The following MORC3 variants were observed in gnomAD, a reference collection of about 807,000 sequenced individuals.
The protein encoded by MORC3 is MORC family CW-type zinc finger 3, also known as MORC family CW-type zinc finger protein 3.
Under a neutral mutation model 109.1 loss-of-function variants are expected in MORC3, and 31 were observed. The observed-to-expected ratio is 0.28, with a 90% CI of 0.21 to 0.38. The LOEUF (loss-of-function observed/expected upper bound fraction) is 0.38. Ranked by LOEUF, MORC3 falls within the 10% of genes least tolerant of loss-of-function variation. The pLI, the probability that MORC3 is intolerant of heterozygous loss-of-function variation, is 1.00. For missense variants in MORC3, 867 were observed against 1,135.8 expected (o/e 0.76, Z 3.40); for synonymous variants, 395 against 380.7 (o/e 1.04, Z -0.44).
chr21:36,330,957 A>G (rs1172885166), intron 1 of MORC3, among the ~76,000 whole-genome samples: 1 of 152,240 alleles, frequency 6.6e-6, no homozygotes, highest in African/African-American at 2.4e-5. Context: ...GATGTCTGCC[A>G]GAGCAAGTCT....
chr21:36,336,431 A>G (rs901989980), intron 2 of MORC3, among the ~76,000 whole-genome samples: 8 of 150,764 alleles, frequency 5.3e-5, no homozygotes, highest in African/African-American at 2.0e-4. Context: ...TTTAGTAGAG[A>G]TGGGGTTTCA....
chr21:36,375,119 T>TTTA (rs2085915509), intron 16 of MORC3, 24 bp from the exon 17 acceptor site: 1 of 1,595,632 alleles, frequency 6.3e-7, no homozygotes, highest in Non-Finnish European at 8.5e-7. Context: ...GCTCATCTAA[T>TTTA]AAGTTACATA....
intron 1 of MORC3, among the ~76,000 whole-genome samples, chr21:36,324,278 G>GTTTTT (rs56818491): frequency 7.0e-6 from 1 of 143,304 alleles, no homozygotes; most frequent in Admixed American, 7.0e-5. Flanking sequence ...ATTAACTGTA[G>GTTTTT]TTTTTTTTTT....
chr21:36,349,190 ATG>A (rs1379900607), intron 8 of MORC3, 119 bp from the exon 9 acceptor site: 1 of 682,862 alleles, frequency 1.5e-6, no homozygotes, highest in African/African-American at 1.9e-5. Flanking sequence ...ATAAAAATAA[ATG>A]TGATGAGAAT....
At chr21:36,341,353 T>C in intron 5 of MORC3, 46 bp from the exon 6 acceptor site, 1 of 1,543,018 alleles carries the variant, frequency 6.5e-7, no homozygotes, top group Admixed American at 1.9e-5. Flanking sequence ...TGGCTTATCT[T>C]GCTGTGAAGT....
At chr21:36,361,954 A>C in intron 12 of MORC3, 1 of 579,922 alleles carries the variant, frequency 1.7e-6, no homozygotes, top group Non-Finnish European at 3.1e-6. Flanking sequence ...TTAGTGGAGA[A>C]AAAAACACCA....
chr21:36,334,969 A>G (rs139986124), intron 2 of MORC3, among the ~76,000 whole-genome samples: 52 of 152,136 alleles, frequency 3.4e-4, no homozygotes, highest in African/African-American at 1.2e-3. Flanking sequence ...CATCTCTACA[A>G]AAAATACAAA....
chr21:36,335,420 G>A lies in MORC3; in HGVS notation c.113-1454G>A, dbSNP rs189123386. ...AACCTCCTCTACCTCCTGGGTTCAA[G>A]CACTTGTCCCTCAGCCTCCCGAGTA... On this transcript the variant is annotated intron_variant, in intron 2 of 16. Transcript: ENST00000400485. Among the ~76,000 whole-genome samples, 4 of 149,994 alleles carry A rather than the reference G, an allele frequency of 2.7e-5. 1 individual carries two copies. The highest frequency in any genetic ancestry group is 2.0e-4 in the Admixed American group (3 of 14,872).
rs1233418653 is a variant in MORC3 at position 36,364,114 on chromosome 21, C to T, written c.1474C>T (p.Arg492Trp). 7.4e-6 allele frequency: 12 copies of T among 1,613,928 alleles called. No individual in the cohort carries two copies. Among genetic ancestry groups the T allele is most frequent in the South Asian group, 1.1e-5 (1 of 91,078 alleles). The change falls in exon 14 of 17, where the codon CGG becomes TGG. Residue 492 changes from arginine to tryptophan, a missense_variant. Arg to Trp is a moderately radical substitution (Grantham distance 101, BLOSUM62 -3). Coordinates refer to ENST00000400485, the MANE Select transcript of MORC3 (RefSeq NM_015358.3). ...IPRINAELLF[R>W]PTALSTPSFS... ...ACAGATTAATGCTGAACTGTTGTTT[C>T]GGCCAACTGCTCTTTCAACTCCAAG...
Position 36,336,772 on chromosome 21 carries a change from G to T in MORC3, c.113-102G>T, listed in dbSNP as rs2085380082. On this transcript the variant is annotated intron_variant, in intron 2 of 16. Transcript: ENST00000400485. ...GCTAAAAATTGCAGCTTTTAAAGTT[G>T]TCTTAAAACATAGTCTTCTATTGCT... 5 of 1,190,360 alleles carry T rather than the reference G, an allele frequency of 4.2e-6. No homozygotes were observed. In the South Asian group the frequency reaches 1.2e-4, roughly 28 times the overall value. 73.7% of individuals were successfully genotyped at this position (1,190,360 alleles called of 1,614,324 possible).
chr21:36,365,286 A>G (rs1315606684), intron 14 of MORC3, among the ~76,000 whole-genome samples: 3 of 152,266 alleles, frequency 2.0e-5, no homozygotes, highest in Non-Finnish European at 4.4e-5. Context: ...GAAGTTCTGA[A>G]AACAGTAGTC....
intron 1 of MORC3, among the ~76,000 whole-genome samples, chr21:36,330,524 T>C (rs902529964): frequency 1.3e-5 from 2 of 152,122 alleles, no homozygotes; most frequent in Non-Finnish European, 1.5e-5. Flanking sequence ...CACCCTAAAA[T>C]ATATAAAACC....
At chr21:36,333,528 A>G in intron 1 of MORC3, 118 bp from the exon 2 acceptor site, 1 of 752,934 alleles carries the variant, frequency 1.3e-6, no homozygotes, top group Non-Finnish European at 2.3e-6. Context: ...TCCTGGAGCA[A>G]GCAGCTAAGT....
chr21:36,334,447 A>G (rs1262061679), intron 2 of MORC3, among the ~76,000 whole-genome samples: 1 of 152,152 alleles, frequency 6.6e-6, no homozygotes, highest in Non-Finnish European at 1.5e-5. Context: ...TATAAAAGTA[A>G]ACAGTGAGAA....
intron 9 of MORC3, among the ~76,000 whole-genome samples, chr21:36,354,687 A>G (rs2085625576): frequency 6.6e-6 from 1 of 152,220 alleles, no homozygotes; most frequent in South Asian, 2.1e-4. Flanking sequence ...GTATCATAGA[A>G]GTGTCCATGT....
At chr21:36,358,968 C>T (rs984116109) in intron 10 of MORC3, among the ~76,000 whole-genome samples, 1 of 152,088 alleles carries the variant, frequency 6.6e-6, no homozygotes, top group African/African-American at 2.4e-5. Context: ...CATGAGCCAC[C>T]GCGCCCAGCC....
chr21:36,329,276 C>T (rs1049164779), intron 1 of MORC3, among the ~76,000 whole-genome samples: 1 of 150,182 alleles, frequency 6.7e-6, no homozygotes, highest in Non-Finnish European at 1.5e-5. Flanking sequence ...GCCTGGGCAA[C>T]AGAGCGAGAC....
intron 1 of MORC3, among the ~76,000 whole-genome samples, chr21:36,332,370 A>G (rs1265253448): frequency 6.6e-6 from 1 of 152,144 alleles, no homozygotes; most frequent in Admixed American, 6.5e-5. Flanking sequence ...CAGGAGGCGG[A>G]GGTTGCAGTC....
chr21:36,358,520 C>G (rs1348979914), intron 10 of MORC3, among the ~76,000 whole-genome samples: 1 of 151,946 alleles, frequency 6.6e-6, no homozygotes, highest in East Asian at 1.9e-4. Context: ...CTTTGGGAGG[C>G]CAAGGCAGAA....
Sources: gnomAD v4.1 joint callset for allele counts (sites outside exome capture counted in the v4.1 genomes callset) on GRCh38, gnomAD v4.1.1 for gene constraint, MANE v1.5 for transcripts, NCBI Gene and HGNC (gene_info 2026-07-23, HGNC 2026-07-21) for gene names.